The following TIGAR variants were observed in gnomAD, a reference collection of about 807,000 sequenced individuals.
TIGAR encodes fructose-2,6-bisphosphatase TIGAR.
TIGAR carries 7 observed loss-of-function variants against 17.9 expected under a neutral mutation model. The ratio of observed to expected loss-of-function variants is 0.39; its 90% CI spans 0.22 to 0.73. The LOEUF (loss-of-function observed/expected upper bound fraction) is 0.73. Among genes scored for constraint, TIGAR ranks in the 30% least tolerant of loss-of-function variants. TIGAR has a pLI of 0.42. For missense variants in TIGAR, 258 were observed against 327.4 expected (o/e 0.79, Z 1.64); for synonymous variants, 94 against 108.6 (o/e 0.87, Z 0.84).
chr12:4,322,999 T>A (rs919311827), intron 1 of TIGAR, among the ~76,000 whole-genome samples: 3 of 151,768 alleles, frequency 2.0e-5, no homozygotes, highest in Non-Finnish European at 2.9e-5. Context: ...ATCAAGGTGG[T>A]TCACCCCTGT....
At chr12:4,327,357 C>T (rs927669382) in intron 1 of TIGAR, among the ~76,000 whole-genome samples, 4 of 148,090 alleles carry the variant, frequency 2.7e-5, no homozygotes, top group Non-Finnish European at 5.9e-5. Context: ...TGCAGTGAGC[C>T]GAGATCACAC....
intron 2 of TIGAR, among the ~76,000 whole-genome samples, chr12:4,334,292 C>G (rs1326821196): frequency 6.6e-6 from 1 of 152,148 alleles, no homozygotes; most frequent in Non-Finnish European, 1.5e-5. Flanking sequence ...GGTTTGCGGA[C>G]TGCTGTCTTC....
In TIGAR at chr12:4,352,536, A is replaced by T; in HGVS notation, c.658A>T (p.Thr220Ser). 6.2e-7 allele frequency: 1 copy of T among 1,614,048 alleles called. No individual in the cohort carries two copies. The highest frequency in any genetic ancestry group is 1.6e-4 in the Middle Eastern group (1 of 6,062). The change falls in exon 6 of 6, where the codon ACT (threonine) becomes TCT (serine). Residue 220 changes from threonine to serine, a missense_variant. Thr to Ser is a moderately conservative substitution (Grantham distance 58). Transcript: ENST00000179259. ...TGACCTTAAGTGTTCCTTACCAGCC[A>T]CTCTGAGCAGATCTGAACTTATGTC... is the stretch of plus-strand genomic sequence containing the variant. ...LTDLKCSLPATLSRSELMSVT... is the reference protein window; with the variant it reads ...LTDLKCSLPASLSRSELMSVT...
intron 3 of TIGAR, among the ~76,000 whole-genome samples, chr12:4,347,296 C>A (rs760010311): frequency 9.2e-5 from 14 of 151,998 alleles, no homozygotes; most frequent in South Asian, 2.1e-4. Flanking sequence ...AAGCCAGGCA[C>A]AGAAAGACAA....
chr12:4,338,820 TAAC>T (rs1864687455), intron 3 of TIGAR, among the ~76,000 whole-genome samples: 1 of 151,412 alleles, frequency 6.6e-6, no homozygotes, highest in South Asian at 2.1e-4. Flanking sequence ...TCCACTGAAA[TAAC>T]AAATCTGCCT....
chr12:4,321,253 G>C lies in TIGAR; in HGVS notation c.-19G>C, dbSNP rs775806763. 7 of 1,600,560 alleles carry C rather than the reference G, an allele frequency of 4.4e-6. No homozygotes were observed. The highest frequency in any genetic ancestry group is 2.2e-5 in the East Asian group (1 of 44,854). ...GGCAGCGCGGCGCGGGGCCACCGAC[G>C]GGACGCGGCTCCGGGAACATGGCTC... is the stretch of plus-strand genomic sequence containing the variant. On this transcript the variant is annotated 5_prime_UTR_variant, in exon 1 of 6. Transcript: ENST00000179259. The surrounding 1 kb of genome is among the most constrained non-coding windows in gnomAD (Gnocchi z 5.2).
At chr12:4,334,255 C>A (rs1864635302) in intron 2 of TIGAR, among the ~76,000 whole-genome samples, 1 of 152,166 alleles carries the variant, frequency 6.6e-6, no homozygotes, top group Non-Finnish European at 1.5e-5. Flanking sequence ...GCCAGCAGAT[C>A]CAGTGTCTGT....
At chr12:4,331,432 G>A in intron 2 of TIGAR, 115 bp downstream of exon 2, 1 of 944,700 alleles carries the variant, frequency 1.1e-6, no homozygotes. Context: ...TGTGAATTGG[G>A]ATTACAGAAT....
At chr12:4,347,540 A>G (rs544815619) in intron 3 of TIGAR, among the ~76,000 whole-genome samples, 8 of 152,334 alleles carry the variant, frequency 5.3e-5, no homozygotes, top group African/African-American at 1.4e-4. Flanking sequence ...GAAAATAACT[A>G]AAAGGATATA....
Position 4,321,821 on chromosome 12 carries a change from G to A in TIGAR, c.32+518G>A, listed in dbSNP as rs1488324440. Among the ~76,000 whole-genome samples, 2 of 152,114 alleles carry A rather than the reference G, an allele frequency of 1.3e-5. No individual in the cohort carries two copies. The highest frequency in any genetic ancestry group is 6.6e-5 in the Admixed American group (1 of 15,264). ...TTCTTTCTTTTCCCCAGAGGTTACA[G>A]TTCTGGGAGAGAAAAGAGGATCACA... On this transcript the variant is annotated intron_variant, in intron 1 of 5. Coordinates refer to ENST00000179259, the MANE Select transcript of TIGAR (RefSeq NM_020375.3). The surrounding 1 kb of genome is among the most constrained non-coding windows in gnomAD (Gnocchi z 5.2).
chr12:4,335,340 T>TA (rs1158069344), intron 2 of TIGAR, among the ~76,000 whole-genome samples: 1 of 151,994 alleles, frequency 6.6e-6, no homozygotes, highest in Non-Finnish European at 1.5e-5. Flanking sequence ...CCCGGCCATT[T>TA]TTTTTTTTTT....
rs988426861 is a variant in TIGAR, at chr12:4,359,316, C to G, written c.*6625C>G. ...CAACTTTGTCCTGTGGGAACCCTTT[C>G]AGGCTGGCTCTTATGTTCTGGTGAC... On this transcript the variant is annotated 3_prime_UTR_variant, in exon 6 of 6. Coordinates refer to ENST00000179259, the MANE Select transcript of TIGAR (RefSeq NM_020375.3). 7.2e-5 allele frequency among the ~76,000 whole-genome samples: 11 copies of G among 152,152 alleles called. No individual in the cohort carries two copies. The highest frequency in any genetic ancestry group is 2.4e-4 in the African/African-American group (10 of 41,434).
At chr12:4,324,865 T>A (rs376929193) in intron 1 of TIGAR, 1 of 466,272 alleles carries the variant, frequency 2.1e-6, no homozygotes, top group Non-Finnish European at 3.8e-6. Flanking sequence ...TCGTAAAGCT[T>A]TAAAATTTTT....
chr12:4,352,825 G>A lies in TIGAR; in HGVS notation c.*134G>A, dbSNP rs1864852117. The A allele has an allele frequency of 1.3e-6, 1 of 769,388 alleles. No homozygotes were observed. The highest frequency in any genetic ancestry group is 2.0e-6 in the Non-Finnish European group (1 of 492,964). The allele number at this position is 769,388 out of a possible 1,614,324, so 47.7% of individuals were successfully genotyped here. ...AATTTTTAGCTCCAGTGGAACCATAGCCACATAAAACTTTAATGGACAACC... is the reference window on the plus strand; with the variant it reads ...AATTTTTAGCTCCAGTGGAACCATAACCACATAAAACTTTAATGGACAACC... On this transcript the variant is annotated 3_prime_UTR_variant, in exon 6 of 6. Transcript: ENST00000179259.
intron 1 of TIGAR, among the ~76,000 whole-genome samples, chr12:4,329,395 G>A (rs943796942): frequency 7.5e-6 from 1 of 132,538 alleles, no homozygotes; most frequent in Non-Finnish European, 1.5e-5. Context: ...CTGGAGTGCA[G>A]TGGTGTGATT....
chr12:4,354,232 C>T lies in TIGAR; in HGVS notation c.*1541C>T, dbSNP rs1429568395. On this transcript the variant is annotated 3_prime_UTR_variant, in exon 6 of 6. Coordinates refer to ENST00000179259, the MANE Select transcript of TIGAR (RefSeq NM_020375.3). ...GTGTCTAGCACTACCAGTTTTCTACCAGTATTGAAACAGGGCACGTGTTTG... is the reference window on the plus strand; with the variant it reads ...GTGTCTAGCACTACCAGTTTTCTACTAGTATTGAAACAGGGCACGTGTTTG... 1 of 152,006 alleles carries T rather than the reference C, an allele frequency of 6.6e-6. No individual in the cohort carries two copies. The highest frequency in any genetic ancestry group is 2.4e-5 in the African/African-American group (1 of 41,392). 9.4% of individuals were successfully genotyped at this position (152,006 alleles called of 1,614,324 possible). A position where few individuals can be genotyped will look rare whatever the true frequency, so the allele number is the denominator to read the frequency against.
At chr12:4,324,644 G>T in intron 1 of TIGAR, 3 of 1,374,404 alleles carry the variant, frequency 2.2e-6, no homozygotes, top group South Asian at 1.2e-5. Flanking sequence ...CGCTTCAGCA[G>T]CGAGTTCTGT....
intron 3 of TIGAR, among the ~76,000 whole-genome samples, chr12:4,345,965 CAAAAG>C (rs1474390486): frequency 6.6e-6 from 1 of 152,204 alleles, no homozygotes; most frequent in African/African-American, 2.4e-5. Flanking sequence ...AGACACTTCT[CAAAAG>C]AAGAAGTTTA....
intron 5 of TIGAR, 91 bp downstream of exon 5, chr12:4,351,468 G>A: frequency 2.1e-6 from 2 of 958,404 alleles, no homozygotes; most frequent in Non-Finnish European, 3.2e-6. Context: ...AAGTTGCTTG[G>A]TTCATTCTCT....
Sources: allele counts gnomAD v4.1 joint callset (sites outside exome capture counted in the v4.1 genomes callset), GRCh38; gene constraint gnomAD v4.1.1; non-coding constraint Gnocchi (gnomAD v3.1); transcripts MANE v1.5; gene names NCBI Gene and HGNC (gene_info 2026-07-23, HGNC 2026-07-21).